OSBPL7: variants seen among roughly 807,000 people sequenced by gnomAD.
The protein encoded by OSBPL7 is oxysterol-binding protein-related protein 7.
Under a neutral mutation model 115.8 loss-of-function variants are expected in OSBPL7, and 66 were observed. That is an observed-to-expected ratio of 0.57 (90% CI 0.47 to 0.70). OSBPL7 has a LOEUF of 0.70. Among genes scored for constraint, OSBPL7 ranks in the 30% least tolerant of loss-of-function variants. The probability of loss-of-function intolerance (pLI) is 0.00; values close to 1 mark genes in which losing one functional copy is unlikely to be tolerated. For missense variants in OSBPL7, 902 were observed against 1,125.5 expected, an observed-to-expected ratio of 0.80 and a Z score of 2.84; for synonymous variants, 441 against 439.2, an observed-to-expected ratio of 1.00 and a Z score of -0.05.
At position 47,819,735 on chromosome 17, in the gene OSBPL7, C is replaced by G; in HGVS notation, c.249G>C (p.Arg83=). ...AGCCACTGCCCGGGCTCACGTCTTG[C>G]CGGGTTGTTGCATAATGAAGGATCC... is the stretch of plus-strand genomic sequence containing the variant. ...EDGILHYATT[R]QDITKGKLHG... is the part of the protein sequence containing the mutation. Residue 83 remains arginine (R), a synonymous_variant, in exon 4 of 23, where the codon CGG becomes CGC. Coordinates refer to ENST00000007414, the MANE Select transcript of OSBPL7 (RefSeq NM_145798.3). 3.1e-6 allele frequency: 5 copies of G among 1,614,092 alleles called. No homozygotes were observed. Among genetic ancestry groups the G allele is most frequent in the Non-Finnish European group, 4.2e-6 (5 of 1,180,010 alleles).
At chr17:47,820,540 C>T (rs1481080114) in intron 1 of OSBPL7, 175 bp from the exon 2 acceptor site, 3 of 476,890 alleles carry the variant, frequency 6.3e-6, no homozygotes, top group South Asian at 2.4e-5. Flanking sequence ...CTGATATGGA[C>T]ACTGCCCTGA....
rs1408219465 is a variant in OSBPL7 at position 47,816,615 on chromosome 17, T to A, written c.876A>T (p.Pro292=). 1 of 1,613,674 alleles carries A rather than the reference T, an allele frequency of 6.2e-7. No individual in the cohort carries two copies. Among genetic ancestry groups the A allele is most frequent in the Admixed American group, 1.7e-5 (1 of 59,998 alleles). Residue 292 remains proline (P), a synonymous_variant, in exon 10 of 23, where the codon CCA becomes CCT. Transcript: ENST00000007414. The surrounding 1 kb of genome is among the most constrained non-coding windows in gnomAD (Gnocchi z 5.8). ...GCTGCAGGTGGGCATAGTCTGTGGG[T>A]GGCAGCCCACGGGTGCCCGAGGAGT... is the stretch of plus-strand genomic sequence containing the variant. The part of the protein sequence containing the change: ...SRDSSGTRGL[P]PTDYAHLQRS...
intron 3 of OSBPL7, 46 bp downstream of exon 3, chr17:47,819,923 CCA>C: frequency 8.1e-7 from 1 of 1,229,554 alleles, no homozygotes; most frequent in Non-Finnish European, 1.2e-6. Context: ...CCCCCCATTC[CCA>C]CCCCGCCCCC....
intron 16 of OSBPL7, 92 bp from the exon 17 acceptor site, chr17:47,810,927 A>G: frequency 8.0e-7 from 1 of 1,256,772 alleles, no homozygotes; most frequent in Non-Finnish European, 1.1e-6. Context: ...TCCCCTAAGT[A>G]CCACAAGACC....
Position 47,816,208 on chromosome 17 carries a change from G to C in OSBPL7, c.1024-6C>G, listed in dbSNP as rs1480326357. Reference sequence around the variant, plus strand: ...CCAGTGGAGGCCTCAGAGACCTGCAGGGAGAGGGTGAGGGACACGGTGCCA... The same window carrying C: ...CCAGTGGAGGCCTCAGAGACCTGCACGGAGAGGGTGAGGGACACGGTGCCA... On this transcript the variant is annotated splice_region_variant and splice_polypyrimidine_tract_variant and intron_variant, in intron 11 of 22. Coordinates refer to ENST00000007414, the MANE Select transcript of OSBPL7 (RefSeq NM_145798.3). This position sits in a 1 kb window ranked among gnomAD's most constrained non-coding sequence, Gnocchi z 5.8. 3 of 1,548,978 alleles carry C rather than the reference G, an allele frequency of 1.9e-6. No homozygotes were observed. Among genetic ancestry groups the C allele is most frequent in the Admixed American group, 3.9e-5 (2 of 50,936 alleles).
Position 47,813,156 on chromosome 17 carries a change from C to T in OSBPL7, c.1737+110G>A, listed in dbSNP as rs2033095375. 4.8e-6 allele frequency: 7 copies of T among 1,446,536 alleles called. No individual in the cohort carries two copies. The Admixed American group carries it at 1.2e-4, about 25-fold the overall frequency. 89.6% of individuals were successfully genotyped at this position (1,446,536 alleles called of 1,614,324 possible). ...CAGAGCCCGGCACAGAGCCAACTGC[C>T]CACGCTCCTCTCCCAGGCCCTGGTC... is the stretch of plus-strand genomic sequence containing the variant. On this transcript the variant is annotated intron_variant, in intron 16 of 22. Transcript: ENST00000007414.
At chr17:47,812,382 G>A (rs2143531178) in intron 16 of OSBPL7, among the ~76,000 whole-genome samples, 1 of 152,272 alleles carries the variant, frequency 6.6e-6, no homozygotes, top group Middle Eastern at 3.4e-3. Context: ...CTCTAAGCTG[G>A]CCACTCTTTG....
chr17:47,816,665 G>C lies in OSBPL7; in HGVS notation c.826C>G (p.Leu276Val). ...VGRLHGSVPNLSRYLESRDSS... is the reference protein window; with the variant it reads ...VGRLHGSVPNVSRYLESRDSS... Reference sequence around the variant, plus strand: ...TCCCGAGACTCCAGGTAGCGAGACAGGTTGGGAACAGAGCCATGGAGACGA... The same window carrying C: ...TCCCGAGACTCCAGGTAGCGAGACACGTTGGGAACAGAGCCATGGAGACGA... The change falls in exon 10 of 23, where the codon CTG (leucine) becomes GTG (valine). Residue 276 changes from leucine to valine, a missense_variant. Leu to Val is a conservative substitution (Grantham distance 32). Around this residue, in one of 3 missense-constraint regions of OSBPL7, gnomAD observed 667 missense variants for 788.7 expected, o/e 0.85. Coordinates refer to ENST00000007414, the MANE Select transcript of OSBPL7 (RefSeq NM_145798.3). The surrounding 1 kb of genome is among the most constrained non-coding windows in gnomAD (Gnocchi z 5.8). 1.2e-6 allele frequency: 2 copies of C among 1,614,146 alleles called. No individual in the cohort carries two copies. Among genetic ancestry groups the C allele is most frequent in the Non-Finnish European group, 1.7e-6 (2 of 1,180,042 alleles).
chr17:47,816,092 AC>A lies in OSBPL7; in HGVS notation c.1119+14del. 6.5e-7 allele frequency: 1 copy of A among 1,544,892 alleles called. No homozygotes were observed. Among genetic ancestry groups the A allele is most frequent in the Non-Finnish European group, 8.7e-7 (1 of 1,143,074 alleles). On this transcript the variant is annotated intron_variant, in intron 12 of 22. Transcript: ENST00000007414. The surrounding 1 kb of genome is among the most constrained non-coding windows in gnomAD (Gnocchi z 5.8). ...ACAGGAGAATCGGCCCCCACAGCCC[AC>A]CCTGGCTCCTCACCTCCTCAGGGTT...
intron 1 of OSBPL7, among the ~76,000 whole-genome samples, chr17:47,821,410 C>T (rs140369117): frequency 2.6e-3 from 403 of 152,288 alleles, no homozygotes; most frequent in Non-Finnish European, 3.4e-3. Flanking sequence ...GGAGGAAACT[C>T]CTGCATTCAG....
In OSBPL7 at chr17:47,821,727, T is replaced by C. The variant is rs571896479; in HGVS notation, c.-149A>G. ...GCGCCGCTCTGCCTCTGAGTCACCG[T>C]CTCCGAGTCACCGGCTCCCTCCTCA... On this transcript the variant is annotated 5_prime_UTR_variant, in exon 1 of 23. Transcript: ENST00000007414. The C allele has an allele frequency of 6.6e-6, 1 of 152,274 alleles. No homozygotes were observed. The highest frequency in any genetic ancestry group is 2.4e-5 in the African/African-American group (1 of 41,418). The allele number at this position is 152,274 out of a possible 1,614,324, so 9.4% of individuals were successfully genotyped here. A position where few individuals can be genotyped will look rare whatever the true frequency, so the allele number is the denominator to read the frequency against.
In OSBPL7 at chr17:47,819,273, G is replaced by A. The variant is rs76137183; in HGVS notation, c.256-174C>T. The A allele has an allele frequency of 4.8e-3, 2,846 of 595,860 alleles. 22 individuals are homozygous for A. The highest frequency in any genetic ancestry group is 5.4e-3 in the Non-Finnish European group (1,811 of 332,868). The allele number at this position is 595,860 out of a possible 1,614,324, so 36.9% of individuals were successfully genotyped here. ...TCAATCATCCTCCCATGTGCAGAAC[G>A]CTCCCCTACGTCAAGTCACATCTTG... On this transcript the variant is annotated intron_variant, in intron 4 of 22. Coordinates refer to ENST00000007414, the MANE Select transcript of OSBPL7 (RefSeq NM_145798.3).
In OSBPL7 at chr17:47,816,237, G is replaced by A. The variant is rs1428472122; in HGVS notation, c.1024-35C>T. On this transcript the variant is annotated intron_variant, in intron 11 of 22. Coordinates refer to ENST00000007414, the MANE Select transcript of OSBPL7 (RefSeq NM_145798.3). The surrounding 1 kb of genome is among the most constrained non-coding windows in gnomAD (Gnocchi z 5.8). ...GAGGGTGAGGGACACGGTGCCAGGAGGATGAGGTCCTCCCCACCTTGCCGC... is the reference window on the plus strand; with the variant it reads ...GAGGGTGAGGGACACGGTGCCAGGAAGATGAGGTCCTCCCCACCTTGCCGC... 6.5e-6 allele frequency: 10 copies of A among 1,535,552 alleles called. No homozygotes were observed. Among genetic ancestry groups the A allele is most frequent in the African/African-American group, 5.5e-5 (4 of 72,608 alleles).
rs1182364773 is a variant in OSBPL7, at chr17:47,808,794, A to G, written c.2297+70T>C. 1 of 1,605,058 alleles carries G rather than the reference A, an allele frequency of 6.2e-7. No individual in the cohort carries two copies. Among genetic ancestry groups the G allele is most frequent in the East Asian group, 2.2e-5 (1 of 44,658 alleles). ...AGGCCACTCAGTGAAGGAAGGACAA[A>G]GCCCCAGCTCTGTACTCTGTGGAGG... On this transcript the variant is annotated intron_variant, in intron 21 of 22. Coordinates refer to ENST00000007414, the MANE Select transcript of OSBPL7 (RefSeq NM_145798.3). This position sits in a 1 kb window ranked among gnomAD's most constrained non-coding sequence, Gnocchi z 6.1.
At chr17:47,813,115 T>C in intron 16 of OSBPL7, 151 bp downstream of exon 16, 1 of 1,051,556 alleles carries the variant, frequency 9.5e-7, no homozygotes, top group East Asian at 2.6e-5. Context: ...CCTCAGAACG[T>C]GGGCCAGGAG....
In OSBPL7 at chr17:47,808,778, A is replaced by G; in HGVS notation, c.2297+86T>C. On this transcript the variant is annotated intron_variant, in intron 21 of 22. Transcript: ENST00000007414. The surrounding 1 kb of genome is among the most constrained non-coding windows in gnomAD (Gnocchi z 6.1). ...AAGCCCCACTTCTCTGAGGCCACTCAGTGAAGGAAGGACAAAGCCCCAGCT... is the reference window on the plus strand; with the variant it reads ...AAGCCCCACTTCTCTGAGGCCACTCGGTGAAGGAAGGACAAAGCCCCAGCT... The G allele has an allele frequency of 1.2e-6, 2 of 1,603,064 alleles. No individual in the cohort carries two copies. The highest frequency in any genetic ancestry group is 1.7e-5 in the Admixed American group (1 of 59,394).
chr17:47,808,035 G>T lies in OSBPL7; in HGVS notation c.*256C>A. 1.9e-6 allele frequency: 1 copy of T among 533,478 alleles called. No homozygotes were observed. The highest frequency in any genetic ancestry group is 3.4e-6 in the Non-Finnish European group (1 of 295,202). The allele number at this position is 533,478 out of a possible 1,614,324, so 33.0% of individuals were successfully genotyped here. A position where few individuals can be genotyped will look rare whatever the true frequency, so the allele number is the denominator to read the frequency against. ...GGGACAGGAATCGGAATGGTGAAGC[G>T]GGAAGGGTCTTACATGCTGGTTGTC... On this transcript the variant is annotated 3_prime_UTR_variant, in exon 23 of 23. Transcript: ENST00000007414. The surrounding 1 kb of genome is among the most constrained non-coding windows in gnomAD (Gnocchi z 6.1).
At chr17:47,809,510 G>T in intron 18 of OSBPL7, 32 bp from the exon 19 acceptor site, 1 of 1,594,594 alleles carries the variant, frequency 6.3e-7, no homozygotes, top group Non-Finnish European at 8.6e-7. Flanking sequence ...AGGGCAGCTG[G>T]CTGGCCCCAG....
chr17:47,819,837 G>A (rs2033341565), intron 3 of OSBPL7, 55 bp from the exon 4 acceptor site: 1 of 1,611,716 alleles, frequency 6.2e-7, no homozygotes, highest in Non-Finnish European at 8.5e-7. Context: ...AAGGGCATGA[G>A]GGAGAAGGCA....
Sources: gnomAD v4.1 joint callset for allele counts (sites outside exome capture counted in the v4.1 genomes callset) on GRCh38, gnomAD v4.1.1 for gene constraint, gnomAD v4.1.1 regional missense constraint, Gnocchi (gnomAD v3.1) non-coding constraint, MANE v1.5 for transcripts, NCBI Gene and HGNC (gene_info 2026-07-23, HGNC 2026-07-21) for gene names.